The following ATOSA variants were observed in gnomAD, a reference collection of about 807,000 sequenced individuals.
ATOSA encodes atos homolog protein A.
At chr15:52,647,624 A>G in the ATOSA span, among the ~76,000 whole-genome samples, 1 of 152,218 alleles carries the variant, frequency 6.6e-6, no homozygotes, top group Non-Finnish European at 1.5e-5. Context: ...AAGTCAGAAT[A>G]AAGTTACTTC....
the ATOSA span, among the ~76,000 whole-genome samples, chr15:52,599,398 G>T: frequency 1.3e-5 from 2 of 152,130 alleles, no homozygotes; most frequent in Non-Finnish European, 2.9e-5. Context: ...CACTAAGACT[G>T]TGAAAGATAG....
chr15:52,674,862 G>A, the ATOSA span, among the ~76,000 whole-genome samples: 1 of 150,162 alleles, frequency 6.7e-6, no homozygotes, highest in East Asian at 2.0e-4. Flanking sequence ...TTATATATAA[G>A]CTTATATAAC....
At chr15:52,644,577 ATT>A in the ATOSA span, among the ~76,000 whole-genome samples, 1 of 152,148 alleles carries the variant, frequency 6.6e-6, no homozygotes, top group African/African-American at 2.4e-5. Context: ...GTTTCACTGT[ATT>A]TTGTTTTCTT....
At chr15:52,656,521 T>TTAGG in the ATOSA span, 2 of 152,130 alleles carry the variant, frequency 1.3e-5, no homozygotes, top group African/African-American at 4.8e-5. Flanking sequence ...GAGACTTAAT[T>TTAGG]GGGACTCTCA....
the ATOSA span, chr15:52,613,714 G>A: frequency 4.3e-6 from 7 of 1,613,738 alleles, no homozygotes; most frequent in African/African-American, 9.3e-5. Context: ...GTAGTTACTG[G>A]GTAACAAGAC....
the ATOSA span, among the ~76,000 whole-genome samples, chr15:52,591,869 C>A: frequency 3.3e-5 from 5 of 152,014 alleles, no homozygotes; most frequent in Admixed American, 2.0e-4. Context: ...CCTCTTCTTT[C>A]GATAATAACC....
chr15:52,611,531 C>T, the ATOSA span: 1 of 1,581,100 alleles, frequency 6.3e-7, no homozygotes, highest in African/African-American at 1.4e-5. Context: ...TAATGGAAAA[C>T]TTGATTTACC....
At chr15:52,618,869 T>C in the ATOSA span, among the ~76,000 whole-genome samples, 4 of 152,060 alleles carry the variant, frequency 2.6e-5, no homozygotes, top group East Asian at 3.8e-4. Context: ...TAATGTAACA[T>C]TGGACTAAAA....
chr15:52,593,490 A>G, the ATOSA span: 1 of 1,255,836 alleles, frequency 8.0e-7, no homozygotes, highest in Non-Finnish European at 1.1e-6. Flanking sequence ...GAAATGATTT[A>G]TATTTTCAAG....
the ATOSA span, chr15:52,679,343 C>T: frequency 2.6e-5 from 4 of 154,132 alleles, no homozygotes; most frequent in African/African-American, 9.6e-5. Context: ...CCCCGTCCCC[C>T]TCGCTCGGCC....
At chr15:52,677,213 C>T in the ATOSA span, among the ~76,000 whole-genome samples, 3 of 152,114 alleles carry the variant, frequency 2.0e-5, no homozygotes, top group African/African-American at 7.2e-5. Flanking sequence ...GGAAGGAAAT[C>T]TGTCATCTAG....
chr15:52,614,908 A>G, the ATOSA span, among the ~76,000 whole-genome samples: 9 of 152,188 alleles, frequency 5.9e-5, no homozygotes, highest in Non-Finnish European at 1.2e-4. Context: ...ACAAATCATC[A>G]CTAATAGCTA....
chr15:52,601,148 T>C, the ATOSA span: 6 of 1,543,058 alleles, frequency 3.9e-6, no homozygotes, highest in Non-Finnish European at 5.2e-6. Context: ...AACCTGATTG[T>C]GTTTTTCTTT....
chr15:52,651,721 C>T, the ATOSA span: 1 of 762,386 alleles, frequency 1.3e-6, no homozygotes, highest in South Asian at 1.9e-5. Context: ...AGAAAATTCT[C>T]TAAGTTCAAT....
At chr15:52,625,504 T>C in the ATOSA span, among the ~76,000 whole-genome samples, 1 of 152,162 alleles carries the variant, frequency 6.6e-6, no homozygotes, top group South Asian at 2.1e-4. Flanking sequence ...CTCAACACTC[T>C]ATTATGAAAA....
chr15:52,669,364 A>G, the ATOSA span, among the ~76,000 whole-genome samples: 1 of 152,226 alleles, frequency 6.6e-6, no homozygotes, highest in East Asian at 1.9e-4. Flanking sequence ...ATAGACCTTT[A>G]AAGTTATTTT....
the ATOSA span, among the ~76,000 whole-genome samples, chr15:52,682,422 G>A: frequency 6.6e-6 from 1 of 152,158 alleles, no homozygotes; most frequent in Non-Finnish European, 1.5e-5. Context: ...TGATAAGAAG[G>A]AGAGGTTTGA....
At chr15:52,605,554 C>A in the ATOSA span, among the ~76,000 whole-genome samples, 1 of 152,048 alleles carries the variant, frequency 6.6e-6, no homozygotes, top group Non-Finnish European at 1.5e-5. Context: ...TGTCAGCAAT[C>A]AAAAAGTTTG....
the ATOSA span, chr15:52,608,456 G>A: frequency 1.0e-6 from 1 of 997,544 alleles, no homozygotes; most frequent in South Asian, 1.9e-5. Context: ...ATCAGACTGT[G>A]TGTCCTATAG....
Sources: allele counts gnomAD v4.1 joint callset (sites outside exome capture counted in the v4.1 genomes callset), GRCh38; gene constraint gnomAD v4.1.1; transcripts MANE v1.5; gene names NCBI Gene and HGNC (gene_info 2026-07-23, HGNC 2026-07-21).